TAOK2: variants seen among roughly 807,000 people sequenced by gnomAD.
The protein encoded by TAOK2 is serine/threonine-protein kinase TAO2.
TAOK2 carries 42 observed loss-of-function variants against 122.5 expected under a neutral mutation model. That is an observed-to-expected ratio of 0.34 (90% confidence interval 0.27 to 0.44). TAOK2 has a LOEUF of 0.44. Ranked by LOEUF, TAOK2 falls within the 20% of genes least tolerant of loss-of-function variation. The pLI, the probability that TAOK2 is intolerant of heterozygous loss-of-function variation, is 1.00. For synonymous variants in TAOK2, 704 were observed against 677.6 expected (o/e 1.04, Z -0.61); for missense variants, 1,264 against 1,644.9 (o/e 0.77, Z 4.01).
Position 29,978,270 on chromosome 16 carries a change from A to C in TAOK2, c.223A>C (p.Lys75Gln). The change falls in exon 4 of 16, where the codon AAG becomes CAG. Residue 75 changes from lysine (K) to glutamine (Q), a missense_variant. This residue lies in a region of TAOK2 where 254 missense variants were observed against 503.8 expected (regional missense o/e 0.50). Coordinates refer to ENST00000308893, the MANE Select transcript of TAOK2 (RefSeq NM_016151.4). ...CCCCTAGAAATGGCAAGACATCATC[A>C]AGGAGGTGCGGTTCTTACAGAAGCT... ...QSNEKWQDII[K>Q]EVRFLQKLRH... The C allele has an allele frequency of 6.2e-7, 1 of 1,614,008 alleles. No individual in the cohort carries two copies. The highest frequency in any genetic ancestry group is 1.1e-5 in the South Asian group (1 of 91,066).
Position 29,987,086 on chromosome 16 carries a change from C to T in TAOK2, c.2814C>T (p.Cys938=). 4.3e-6 allele frequency: 7 copies of T among 1,613,282 alleles called. No individual in the cohort carries two copies. Among genetic ancestry groups the T allele is most frequent in the Non-Finnish European group, 5.1e-6 (6 of 1,179,484 alleles). Residue 938 remains cysteine (C), a synonymous_variant, in exon 16 of 16, where the codon TGC becomes TGT. Transcript: ENST00000308893. The part of the protein sequence containing the change: ...PEPPPTHLRP[C]PASQLPGLLS... ...CCCCTCCAACACACCTGAGGCCCTG[C>T]CCTGCCAGCCAGCTCCCTGGACTCC...
intron 12 of TAOK2, 38 bp downstream of exon 12, chr16:29,983,370 T>C (rs1420279526): frequency 1.3e-6 from 2 of 1,569,766 alleles, no homozygotes; most frequent in Non-Finnish European, 1.7e-6. Context: ...AGCCACCTGC[T>C]CTAGAACTGC....
chr16:29,991,667 C>A, downstream of TAOK2: 1 of 1,351,284 alleles, frequency 7.4e-7, no homozygotes, highest in South Asian at 1.8e-5. This position sits in a 1 kb window ranked among gnomAD's most constrained non-coding sequence, Gnocchi z 5.6. Context: ...GGGTAGGGGA[C>A]AAGATGTAGG....
chr16:29,983,655 C>G lies in TAOK2; in HGVS notation c.1413C>G (p.Thr471=). 8.1e-6 allele frequency: 13 copies of G among 1,611,244 alleles called. No homozygotes were observed. The highest frequency in any genetic ancestry group is 1.1e-5 in the Non-Finnish European group (13 of 1,179,326). ...RNRDHFATIR[T]ASLVSRQIQE... ...GAGACCACTTTGCCACCATCCGAACCGCCTCCCTGGTGAGTGTAGCCATCC... is the reference window on the plus strand; with the variant it reads ...GAGACCACTTTGCCACCATCCGAACGGCCTCCCTGGTGAGTGTAGCCATCC... The change falls in exon 13 of 16, where the codon ACC becomes ACG. Residue 471 remains threonine (T), a synonymous_variant. Coordinates refer to ENST00000308893, the MANE Select transcript of TAOK2 (RefSeq NM_016151.4).
chr16:29,989,047 C>T (rs886321240), downstream of TAOK2: 9 of 985,404 alleles, frequency 9.1e-6, no homozygotes, highest in African/African-American at 1.2e-4. Context: ...CTCCTCCTTC[C>T]CTGCCTTCCT....
rs2069632806 is a variant in TAOK2, at chr16:29,981,999, C to A, written c.831+59C>A. ...CTGTAGCTTGTTACAGCCACAAGAA[C>A]CCCCAGGGAAATTAGTGGTTCCCAG... On this transcript the variant is annotated intron_variant, in intron 10 of 15. Coordinates refer to ENST00000308893, the MANE Select transcript of TAOK2 (RefSeq NM_016151.4). 6 of 1,440,678 alleles carry A rather than the reference C, an allele frequency of 4.2e-6. No homozygotes were observed. In the Admixed American group the frequency reaches 1.1e-4, roughly 27 times the overall value. The allele number at this position is 1,440,678 out of a possible 1,614,324, so 89.2% of individuals were successfully genotyped here.
chr16:29,978,240 C>T lies in TAOK2; in HGVS notation c.205-12C>T. On this transcript the variant is annotated splice_polypyrimidine_tract_variant and intron_variant, in intron 3 of 15. Coordinates refer to ENST00000308893, the MANE Select transcript of TAOK2 (RefSeq NM_016151.4). Reference sequence around the variant, plus strand: ...GCAAGCTGGGTAACCTCTGCCTACCCTGACCCCCTAGAAATGGCAAGACAT... The same window carrying T: ...GCAAGCTGGGTAACCTCTGCCTACCTTGACCCCCTAGAAATGGCAAGACAT... The T allele has an allele frequency of 1.2e-6, 2 of 1,614,062 alleles. No individual in the cohort carries two copies. The highest frequency in any genetic ancestry group is 1.7e-6 in the Non-Finnish European group (2 of 1,179,958).
chr16:29,988,210 C>A lies in TAOK2; in HGVS notation c.*230C>A. 2 of 1,434,412 alleles carry A rather than the reference C, an allele frequency of 1.4e-6. No individual in the cohort carries two copies. The highest frequency in any genetic ancestry group is 1.8e-6 in the Non-Finnish European group (2 of 1,099,778). The allele number at this position is 1,434,412 out of a possible 1,614,324, so 88.9% of individuals were successfully genotyped here. On this transcript the variant is annotated 3_prime_UTR_variant, in exon 16 of 16. Transcript: ENST00000308893. ...TCCTCCCCTAAGTTATTGCTGTTCGCCCGCTGTGTGTGCTCATCCTCACCC... is the reference window on the plus strand; with the variant it reads ...TCCTCCCCTAAGTTATTGCTGTTCGACCGCTGTGTGTGCTCATCCTCACCC...
chr16:29,982,641 A>G (rs112553620), intron 10 of TAOK2, 93 bp from the exon 11 acceptor site: 12 of 1,513,558 alleles, frequency 7.9e-6, no homozygotes, highest in Non-Finnish European at 9.8e-6. Flanking sequence ...CGTGGGCCCC[A>G]GAAGAGTGCC....
chr16:29,991,221 C>G (rs1348575328), downstream of TAOK2: 3 of 1,610,658 alleles, frequency 1.9e-6, no homozygotes, highest in Non-Finnish European at 2.5e-6. This position sits in a 1 kb window ranked among gnomAD's most constrained non-coding sequence, Gnocchi z 5.6. Flanking sequence ...CTATCCTGCT[C>G]CACCCCCTGC....
At position 29,982,880 on chromosome 16, in the gene TAOK2, C is replaced by T. The variant is rs755169259; in HGVS notation, c.978C>T (p.Ala326=). The T allele has an allele frequency of 1.8e-5, 29 of 1,613,838 alleles. No homozygotes were observed. Among genetic ancestry groups the T allele is most frequent in the African/African-American group, 8.0e-5 (6 of 74,876 alleles). ...AAGAGGCACCCAACGGCCCTGGTGC[C>T]GAGGCCCCAGAGGAGGAAGAGGTGA... ...LFQEAPNGPG[A]EAPEEEEEAE... Residue 326 remains alanine (A), a synonymous_variant, in exon 11 of 16, where the codon GCC becomes GCT. Transcript: ENST00000308893.
rs1370900332 is a variant in TAOK2, at chr16:29,981,793, G to T, written c.749+39G>T. ...TTCCGAATCTGGGCCCAGGCGTTAGGCCATGGGGTATGGATGCCTGACTCA... is the reference window on the plus strand; with the variant it reads ...TTCCGAATCTGGGCCCAGGCGTTAGTCCATGGGGTATGGATGCCTGACTCA... On this transcript the variant is annotated intron_variant, in intron 9 of 15. Coordinates refer to ENST00000308893, the MANE Select transcript of TAOK2 (RefSeq NM_016151.4). The T allele has an allele frequency of 3.1e-6, 5 of 1,611,090 alleles. No individual in the cohort carries two copies. In the African/African-American group the frequency reaches 6.7e-5, roughly 22 times the overall value.
At chr16:29,991,757 G>A, downstream of TAOK2, 2 of 643,292 alleles carry the variant, frequency 3.1e-6, no homozygotes, top group Non-Finnish European at 4.6e-6. This position sits in a 1 kb window ranked among gnomAD's most constrained non-coding sequence, Gnocchi z 5.6. Flanking sequence ...GGCGATAGGT[G>A]CCTCAAGGCT....
downstream of TAOK2, chr16:29,988,823 G>A: frequency 2.7e-5 from 27 of 985,408 alleles, no homozygotes; most frequent in Non-Finnish European, 3.3e-5. Flanking sequence ...GGGCAACCAG[G>A]CGGAGTATGA....
At chr16:29,988,582 C>T, downstream of TAOK2, 1 of 985,418 alleles carries the variant, frequency 1.0e-6, no homozygotes, top group Non-Finnish European at 1.2e-6. Context: ...CCACCACCGG[C>T]TCTGGGGTCT....
rs1210332579 is a variant in TAOK2 at position 29,985,628 on chromosome 16, C to T, written c.1789-30C>T. 6.2e-7 allele frequency: 1 copy of T among 1,609,270 alleles called. No homozygotes were observed. The highest frequency in any genetic ancestry group is 1.3e-5 in the African/African-American group (1 of 74,974). On this transcript the variant is annotated intron_variant, in intron 14 of 15. Coordinates refer to ENST00000308893, the MANE Select transcript of TAOK2 (RefSeq NM_016151.4). This position sits in a 1 kb window ranked among gnomAD's most constrained non-coding sequence, Gnocchi z 6.9. Reference sequence around the variant, plus strand: ...GAGCCGATGGCGAGCCAGGTGGGTCCTGACCCTGCTTCCCTCTGCACTCGC... The same window carrying T: ...GAGCCGATGGCGAGCCAGGTGGGTCTTGACCCTGCTTCCCTCTGCACTCGC...
downstream of TAOK2, chr16:29,991,110 C>A: frequency 6.3e-7 from 1 of 1,599,338 alleles, no homozygotes; most frequent in Admixed American, 1.7e-5. This position sits in a 1 kb window ranked among gnomAD's most constrained non-coding sequence, Gnocchi z 5.6. Flanking sequence ...TCTGCTTGAG[C>A]GGCAGGCCCG....
intron 13 of TAOK2, among the ~76,000 whole-genome samples, chr16:29,984,883 T>C (rs1174819849): frequency 6.6e-6 from 1 of 152,162 alleles, no homozygotes; most frequent in African/African-American, 2.4e-5. Context: ...TTAACTTACT[T>C]GAGATCACAT....
At position 29,985,881 on chromosome 16, in the gene TAOK2, T is replaced by C; in HGVS notation, c.1992+20T>C. 6.2e-7 allele frequency: 1 copy of C among 1,607,908 alleles called. No individual in the cohort carries two copies. Among genetic ancestry groups the C allele is most frequent in the Non-Finnish European group, 8.5e-7 (1 of 1,177,720 alleles). On this transcript the variant is annotated intron_variant, in intron 15 of 15. Coordinates refer to ENST00000308893, the MANE Select transcript of TAOK2 (RefSeq NM_016151.4). This position sits in a 1 kb window ranked among gnomAD's most constrained non-coding sequence, Gnocchi z 6.9. Reference sequence around the variant, plus strand: ...CGGGAGGTAGGCATCCCAATCTCTGTTCCCCTCCCGCTCACTCGTGGATCC... The same window carrying C: ...CGGGAGGTAGGCATCCCAATCTCTGCTCCCCTCCCGCTCACTCGTGGATCC...
Sources: gnomAD v4.1 joint callset for allele counts (sites outside exome capture counted in the v4.1 genomes callset) on GRCh38, gnomAD v4.1.1 for gene constraint, gnomAD v4.1.1 regional missense constraint, Gnocchi (gnomAD v3.1) non-coding constraint, MANE v1.5 for transcripts, NCBI Gene and HGNC (gene_info 2026-07-23, HGNC 2026-07-21) for gene names.